The following FEM1B variants were observed in gnomAD, a reference collection of about 807,000 sequenced individuals.
FEM1B encodes fem-1 homolog B, also known as protein fem-1 homolog B.
In FEM1B, 10 loss-of-function variants were observed where a neutral mutation model predicts 38.6. That is an observed-to-expected ratio of 0.26 (90% CI 0.16 to 0.44). The LOEUF is 0.44. FEM1B is among the 20% of genes least tolerant of loss of function. The probability of loss-of-function intolerance (pLI) is 1.00; values close to 1 mark genes in which losing one functional copy is unlikely to be tolerated. For synonymous variants in FEM1B, 288 were observed against 288.0 expected (o/e 1.00, Z 0.00); for missense variants, 471 against 786.7 (o/e 0.60, Z 4.80).
chr15:68,295,617 T>C lies in FEM1B; in HGVS notation c.*4375T>C, dbSNP rs1269028040. ...GATTTATAACAAACCGGTGATGTCA[T>C]TCTATTGTGCACTTTTGTCAAACCA... On this transcript the variant is annotated 3_prime_UTR_variant, in exon 2 of 2. Transcript: ENST00000306917. The C allele has an allele frequency of 6.6e-6, 1 of 152,216 alleles. No homozygotes were observed. Among genetic ancestry groups the C allele is most frequent in the African/African-American group, 2.4e-5 (1 of 41,454 alleles). 9.4% of individuals were successfully genotyped at this position (152,216 alleles called of 1,614,324 possible). A position where few individuals can be genotyped will look rare whatever the true frequency, so the allele number is the denominator to read the frequency against.
intron 1 of FEM1B, among the ~76,000 whole-genome samples, chr15:68,286,495 CACAT>C (rs2140244253): frequency 6.6e-6 from 1 of 151,616 alleles, no homozygotes; most frequent in Non-Finnish European, 1.5e-5. Context: ...CACACACACA[CACAT>C]ATACCACACA....
At position 68,290,708 on chromosome 15, in the gene FEM1B, A is replaced by G; in HGVS notation, c.1350A>G (p.Leu450=). Residue 450 remains leucine (L), a synonymous_variant, in exon 2 of 2, where the codon TTA becomes TTG. Transcript: ENST00000306917. The surrounding 1 kb of genome is among the most constrained non-coding windows in gnomAD (Gnocchi z 9.7). ...YECNLYTFLY[L]VCISTKTQCS... ...GTAATCTCTATACCTTTCTGTATTT[A>G]GTGTGCATCTCTACCAAAACACAGT... is the stretch of plus-strand genomic sequence containing the variant. The G allele has an allele frequency of 1.2e-6, 2 of 1,614,068 alleles. No homozygotes were observed. The highest frequency in any genetic ancestry group is 1.7e-6 in the Non-Finnish European group (2 of 1,179,960).
In FEM1B at chr15:68,278,579, C is replaced by T. The variant is rs137978210; in HGVS notation, c.162C>T (p.Ala54=). ...GCTCCACGCCCCTCATCATCGCAGC[C>T]CGCAATGGACACGCAAAGGTGGTAC... The part of the protein sequence containing the change: ...GQRSTPLIIA[A]RNGHAKVVRL... The change falls in exon 1 of 2, where the codon GCC becomes GCT. Residue 54 remains alanine, a synonymous_variant. Coordinates refer to ENST00000306917, the MANE Select transcript of FEM1B (RefSeq NM_015322.5). This position sits in a 1 kb window ranked among gnomAD's most constrained non-coding sequence, Gnocchi z 5.7. 3.9e-4 allele frequency: 627 copies of T among 1,614,120 alleles called. 1 individual carries two copies. Among genetic ancestry groups the T allele is most frequent in the Non-Finnish European group, 5.1e-4 (598 of 1,180,012 alleles).
rs1892883690 is a variant in FEM1B at position 68,294,568 on chromosome 15, G to C, written c.*3326G>C. 6.6e-6 allele frequency: 1 copy of C among 152,000 alleles called. No homozygotes were observed. Among genetic ancestry groups the C allele is most frequent in the Admixed American group, 6.6e-5 (1 of 15,264 alleles). The allele number at this position is 152,000 out of a possible 1,614,324, so 9.4% of individuals were successfully genotyped here. Reference sequence around the variant, plus strand: ...CTACTTTATGAATAAGACCACTTTGGGTTATTTAAGCAGAAGCGTTTCTTT... The same window carrying C: ...CTACTTTATGAATAAGACCACTTTGCGTTATTTAAGCAGAAGCGTTTCTTT... On this transcript the variant is annotated 3_prime_UTR_variant, in exon 2 of 2. Coordinates refer to ENST00000306917, the MANE Select transcript of FEM1B (RefSeq NM_015322.5). This position sits in a 1 kb window ranked among gnomAD's most constrained non-coding sequence, Gnocchi z 4.4.
chr15:68,278,278 C>T lies in FEM1B; in HGVS notation c.-140C>T. The T allele has an allele frequency of 1.7e-6, 2 of 1,161,296 alleles. No individual in the cohort carries two copies. The highest frequency in any genetic ancestry group is 3.2e-5 in the South Asian group (2 of 62,184). 71.9% of individuals were successfully genotyped at this position (1,161,296 alleles called of 1,614,324 possible). A position where few individuals can be genotyped will look rare whatever the true frequency, so the allele number is the denominator to read the frequency against. On this transcript the variant is annotated 5_prime_UTR_variant, in exon 1 of 2. Transcript: ENST00000306917. This position sits in a 1 kb window ranked among gnomAD's most constrained non-coding sequence, Gnocchi z 5.7. ...CCGCCTTCCCTGGGCCGCACTGCTGCCTGGGCGCGGCGGCGGCGACGGCGC... is the reference window on the plus strand; with the variant it reads ...CCGCCTTCCCTGGGCCGCACTGCTGTCTGGGCGCGGCGGCGGCGACGGCGC...
Position 68,290,480 on chromosome 15 carries a change from A to T in FEM1B, c.1122A>T (p.Arg374Ser), listed in dbSNP as rs747511055. The change falls in exon 2 of 2, where the codon AGA becomes AGT. Residue 374 changes from arginine to serine, a missense_variant. Physicochemically the swap from Arg to Ser is moderately radical, Grantham distance 110 (BLOSUM62 -1). Around this residue, in one of 3 missense-constraint regions of FEM1B, gnomAD observed 380 missense variants for 599.6 expected, o/e 0.63. Coordinates refer to ENST00000306917, the MANE Select transcript of FEM1B (RefSeq NM_015322.5). The surrounding 1 kb of genome is among the most constrained non-coding windows in gnomAD (Gnocchi z 9.7). Reference sequence around the variant, plus strand: ...TGTGGCTTCATGCCCTGCACCTCAGACAAAAAGGTAACAGGAACACCCACA... The same window carrying T: ...TGTGGCTTCATGCCCTGCACCTCAGTCAAAAAGGTAACAGGAACACCCACA... ...IKLWLHALHLRQKGNRNTHKD... is the reference protein window; with the variant it reads ...IKLWLHALHLSQKGNRNTHKD... The T allele has an allele frequency of 1.2e-6, 2 of 1,614,190 alleles. No homozygotes were observed. Among genetic ancestry groups the T allele is most frequent in the South Asian group, 2.2e-5 (2 of 91,078 alleles).
At position 68,295,078 on chromosome 15, in the gene FEM1B, T is replaced by C. The variant is rs1892890210; in HGVS notation, c.*3836T>C. The C allele has an allele frequency of 1.3e-5, 2 of 152,226 alleles. No individual in the cohort carries two copies. The highest frequency in any genetic ancestry group is 2.9e-5 in the Non-Finnish European group (2 of 68,032). The allele number at this position is 152,226 out of a possible 1,614,324, so 9.4% of individuals were successfully genotyped here. A position where few individuals can be genotyped will look rare whatever the true frequency, so the allele number is the denominator to read the frequency against. Reference sequence around the variant, plus strand: ...CAAATAAGGGATCTGAAATAAATACTACACTATTGATAGTGGAGATATATT... The same window carrying C: ...CAAATAAGGGATCTGAAATAAATACCACACTATTGATAGTGGAGATATATT... On this transcript the variant is annotated 3_prime_UTR_variant, in exon 2 of 2. Coordinates refer to ENST00000306917, the MANE Select transcript of FEM1B (RefSeq NM_015322.5).
At position 68,290,070 on chromosome 15, in the gene FEM1B, T is replaced by C. The variant is rs1293322476; in HGVS notation, c.712T>C (p.Leu238=). The C allele has an allele frequency of 6.2e-7, 1 of 1,614,216 alleles. No homozygotes were observed. Among genetic ancestry groups the C allele is most frequent in the Non-Finnish European group, 8.5e-7 (1 of 1,180,016 alleles). ...CTGTAAAGCTGATGTCGTAGAACTG[T>C]TACTCTCTCATGCTGATTGCGACCG... ...ESCKADVVEL[L]LSHADCDRRS... is the part of the protein sequence containing the mutation. Residue 238 remains leucine, a synonymous_variant, in exon 2 of 2, where the codon TTA becomes CTA. Transcript: ENST00000306917. This position sits in a 1 kb window ranked among gnomAD's most constrained non-coding sequence, Gnocchi z 9.7.
chr15:68,278,719 C>T lies in FEM1B; in HGVS notation c.248+54C>T, dbSNP rs1892691430. On this transcript the variant is annotated intron_variant, in intron 1 of 1. Coordinates refer to ENST00000306917, the MANE Select transcript of FEM1B (RefSeq NM_015322.5). This position sits in a 1 kb window ranked among gnomAD's most constrained non-coding sequence, Gnocchi z 5.7. Reference sequence around the variant, plus strand: ...CGACGCGCGCGGACTCGTTAATTCACGGGCCCTCCCCTCCCTCACCCTCTC... The same window carrying T: ...CGACGCGCGCGGACTCGTTAATTCATGGGCCCTCCCCTCCCTCACCCTCTC... 2 of 1,603,548 alleles carry T rather than the reference C, an allele frequency of 1.2e-6. No homozygotes were observed. Among genetic ancestry groups the T allele is most frequent in the African/African-American group, 2.7e-5 (2 of 74,730 alleles).
rs187389448 is a variant in FEM1B at position 68,281,871 on chromosome 15, C to T, written c.248+3206C>T. Reference sequence around the variant, plus strand: ...CCTCGTGATCCGCATGCCTCGGCCTCCCTAAGTGCTGGGATTACAGGCTTG... The same window carrying T: ...CCTCGTGATCCGCATGCCTCGGCCTTCCTAAGTGCTGGGATTACAGGCTTG... On this transcript the variant is annotated intron_variant, in intron 1 of 1. Transcript: ENST00000306917. The surrounding 1 kb of genome is among the most constrained non-coding windows in gnomAD (Gnocchi z 5.1). 4.6e-5 allele frequency among the ~76,000 whole-genome samples: 7 copies of T among 152,324 alleles called. 1 individual carries two copies. The highest frequency in any genetic ancestry group is 4.6e-4 in the Admixed American group (7 of 15,308).
rs1431822240 is a variant in FEM1B at position 68,284,208 on chromosome 15, T to C, written c.249-5399T>C. The stretch of plus-strand genomic sequence containing the variant: ...CCCTCATATAAACTTTTTAGTTATT[T>C]ATCTGCATAATAGTTAATATTATAA... On this transcript the variant is annotated intron_variant, in intron 1 of 1. Coordinates refer to ENST00000306917, the MANE Select transcript of FEM1B (RefSeq NM_015322.5). The surrounding 1 kb of genome is among the most constrained non-coding windows in gnomAD (Gnocchi z 4.4). Among the ~76,000 whole-genome samples, 2 of 152,134 alleles carry C rather than the reference T, an allele frequency of 1.3e-5. No homozygotes were observed. Among genetic ancestry groups the C allele is most frequent in the African/African-American group, 4.8e-5 (2 of 41,438 alleles).
chr15:68,288,306 G>A lies in FEM1B; in HGVS notation c.249-1301G>A, dbSNP rs979385868. The stretch of plus-strand genomic sequence containing the variant: ...GCATTATTCTCTTTTCCACTTCATG[G>A]GGGATATAATTTGACCAGTGTTATA... On this transcript the variant is annotated intron_variant, in intron 1 of 1. Coordinates refer to ENST00000306917, the MANE Select transcript of FEM1B (RefSeq NM_015322.5). The surrounding 1 kb of genome is among the most constrained non-coding windows in gnomAD (Gnocchi z 4.6). 6.6e-6 allele frequency among the ~76,000 whole-genome samples: 1 copy of A among 152,158 alleles called. No homozygotes were observed. Among genetic ancestry groups the A allele is most frequent in the Non-Finnish European group, 1.5e-5 (1 of 68,032 alleles).
Position 68,291,316 on chromosome 15 carries a change from T to C in FEM1B, c.*74T>C, listed in dbSNP as rs754972176. 4.3e-6 allele frequency: 5 copies of C among 1,151,706 alleles called. No homozygotes were observed. Among genetic ancestry groups the C allele is most frequent in the Middle Eastern group, 2.1e-4 (1 of 4,844 alleles). The allele number at this position is 1,151,706 out of a possible 1,614,324, so 71.3% of individuals were successfully genotyped here. On this transcript the variant is annotated 3_prime_UTR_variant, in exon 2 of 2. Transcript: ENST00000306917. This position sits in a 1 kb window ranked among gnomAD's most constrained non-coding sequence, Gnocchi z 6.9. Reference sequence around the variant, plus strand: ...CTTTTAATCACAGACAGTAGAATTATGTGTTCATAAATTCTGCTTTTCTTT... The same window carrying C: ...CTTTTAATCACAGACAGTAGAATTACGTGTTCATAAATTCTGCTTTTCTTT...
At position 68,292,644 on chromosome 15, in the gene FEM1B, T is replaced by G. The variant is rs1465063005; in HGVS notation, c.*1402T>G. On this transcript the variant is annotated 3_prime_UTR_variant, in exon 2 of 2. Coordinates refer to ENST00000306917, the MANE Select transcript of FEM1B (RefSeq NM_015322.5). Reference sequence around the variant, plus strand: ...TGTAAGTGAAGACCTGTAGCTTTTTTTTTTTCTTTAATGAAAAGCATTATA... The same window carrying G: ...TGTAAGTGAAGACCTGTAGCTTTTTGTTTTTCTTTAATGAAAAGCATTATA... 2 of 151,950 alleles carry G rather than the reference T, an allele frequency of 1.3e-5. No homozygotes were observed. The highest frequency in any genetic ancestry group is 2.9e-5 in the Non-Finnish European group (2 of 67,938). 9.4% of individuals were successfully genotyped at this position (151,950 alleles called of 1,614,324 possible). A position where few individuals can be genotyped will look rare whatever the true frequency, so the allele number is the denominator to read the frequency against.
intron 1 of FEM1B, among the ~76,000 whole-genome samples, chr15:68,279,421 A>G (rs1278537784): frequency 6.6e-6 from 1 of 152,132 alleles, no homozygotes; most frequent in Non-Finnish European, 1.5e-5. Flanking sequence ...CTTTGAGTTT[A>G]ATTGTACGAA....
chr15:68,282,657 C>A (rs536075003), intron 1 of FEM1B, among the ~76,000 whole-genome samples: 1 of 152,284 alleles, frequency 6.6e-6, no homozygotes, highest in Admixed American at 6.5e-5. Context: ...TAATAGAGAA[C>A]TTGCATTGTA....
In FEM1B at chr15:68,278,320, T is replaced by G; in HGVS notation, c.-98T>G. 2.8e-6 allele frequency: 4 copies of G among 1,451,694 alleles called. No homozygotes were observed. The highest frequency in any genetic ancestry group is 2.8e-6 in the Non-Finnish European group (3 of 1,084,342). 89.9% of individuals were successfully genotyped at this position (1,451,694 alleles called of 1,614,324 possible). On this transcript the variant is annotated 5_prime_UTR_variant, in exon 1 of 2. Coordinates refer to ENST00000306917, the MANE Select transcript of FEM1B (RefSeq NM_015322.5). This position sits in a 1 kb window ranked among gnomAD's most constrained non-coding sequence, Gnocchi z 5.7. Reference sequence around the variant, plus strand: ...CGACGGCGCCCTGTTGAATGGGCTGTGAGGGCCCAGGTTTAAAGCGCTGGC... The same window carrying G: ...CGACGGCGCCCTGTTGAATGGGCTGGGAGGGCCCAGGTTTAAAGCGCTGGC...
Position 68,291,089 on chromosome 15 carries a change from A to G in FEM1B, c.1731A>G (p.Leu577=). ...CGAATAAACAGAATAAGACTCCGCT[A>G]GACAAAAGTACAACTGGGGTATCTG... The part of the protein sequence containing the change: ...DMTNKQNKTP[L]DKSTTGVSEI... Residue 577 remains leucine, a synonymous_variant, in exon 2 of 2, where the codon CTA becomes CTG. Transcript: ENST00000306917. The surrounding 1 kb of genome is among the most constrained non-coding windows in gnomAD (Gnocchi z 6.9). The G allele has an allele frequency of 6.2e-7, 1 of 1,614,194 alleles. No homozygotes were observed.
In FEM1B at chr15:68,290,685, A is replaced by C; in HGVS notation, c.1327A>C (p.Asn443His). The change falls in exon 2 of 2, where the codon AAT (asparagine) becomes CAT (histidine). Residue 443 changes from asparagine to histidine, a missense_variant. Transcript: ENST00000306917. This position sits in a 1 kb window ranked among gnomAD's most constrained non-coding sequence, Gnocchi z 9.7. ...CAATGCTATGGACAATTATGAATGT[A>C]ATCTCTATACCTTTCTGTATTTAGT... ...VHNAMDNYEC[N>H]LYTFLYLVCI... 6.2e-7 allele frequency: 1 copy of C among 1,614,010 alleles called. No homozygotes were observed. Among genetic ancestry groups the C allele is most frequent in the Non-Finnish European group, 8.5e-7 (1 of 1,179,868 alleles).
Sources: allele counts gnomAD v4.1 joint callset (sites outside exome capture counted in the v4.1 genomes callset), GRCh38; gene constraint gnomAD v4.1.1; regional missense constraint gnomAD v4.1.1; non-coding constraint Gnocchi (gnomAD v3.1); transcripts MANE v1.5; gene names NCBI Gene and HGNC (gene_info 2026-07-23, HGNC 2026-07-21).